Variants in COBL observed in about 807,000 individuals in gnomAD.
The protein encoded by COBL is cordon-bleu WH2 repeat protein, also known as protein cordon-bleu.
A neutral mutation model predicts 98.8 loss-of-function variants in COBL; 51 were observed. The ratio of observed to expected loss-of-function variants is 0.52; its 90% CI spans 0.41 to 0.65. The LOEUF (loss-of-function observed/expected upper bound fraction) is 0.65. Among genes scored for constraint, COBL ranks in the 30% least tolerant of loss-of-function variants. The pLI, the probability that COBL is intolerant of heterozygous loss-of-function variation, is 0.00. For synonymous variants in COBL, 634 were observed against 651.7 expected, an observed-to-expected ratio of 0.97 and a Z score of 0.41; for missense variants, 1,617 against 1,617.5, an observed-to-expected ratio of 1.00 and a Z score of 0.01.
chr7:51,269,543 C>G (rs935957035), intron 1 of COBL, among the ~76,000 whole-genome samples: 2 of 152,186 alleles, frequency 1.3e-5, no homozygotes, highest in Non-Finnish European at 2.9e-5. Flanking sequence ...TGCTCAGGAG[C>G]GTGGGCTCCA....
At chr7:51,142,519 G>A (rs1249476975) in intron 5 of COBL, among the ~76,000 whole-genome samples, 4 of 151,490 alleles carry the variant, frequency 2.6e-5, no homozygotes, top group Admixed American at 1.3e-4. Context: ...GAGTAACTGG[G>A]ATTACAGGAG....
chr7:51,094,495 T>C (rs1039509393), intron 6 of COBL, among the ~76,000 whole-genome samples: 1 of 152,076 alleles, frequency 6.6e-6, no homozygotes, highest in African/African-American at 2.4e-5. Flanking sequence ...ATATAAACAA[T>C]TATTATTTAT....
intron 7 of COBL, 108 bp downstream of exon 7, chr7:51,085,058 G>A: frequency 1.3e-6 from 2 of 1,503,186 alleles, no homozygotes; most frequent in South Asian, 2.4e-5. Context: ...ATATTTTTTG[G>A]GTTAATGTCA....
rs868222004 is a variant in COBL at position 51,055,548 on chromosome 7, G to A, written c.1097-11856C>T. 6.6e-5 allele frequency among the ~76,000 whole-genome samples: 10 copies of A among 152,266 alleles called. No individual in the cohort carries two copies. The South Asian group carries it at 8.3e-4, about 13-fold the overall frequency. Reference sequence around the variant, plus strand: ...AAGATGATGGTCTTGCACTTGGCCCGTGTCAGAACGCCCTGGAGGGCTTGT... The same window carrying A: ...AAGATGATGGTCTTGCACTTGGCCCATGTCAGAACGCCCTGGAGGGCTTGT... On this transcript the variant is annotated intron_variant, in intron 7 of 12. Coordinates refer to ENST00000265136, the MANE Select transcript of COBL (RefSeq NM_015198.5).
intron 1 of COBL, among the ~76,000 whole-genome samples, chr7:51,311,696 G>A (rs952751809): frequency 6.6e-6 from 1 of 152,126 alleles, no homozygotes; most frequent in African/African-American, 2.4e-5. Context: ...CAAGGTGGAA[G>A]CGAGAAAGCA....
At chr7:51,146,732 C>T (rs1054427394) in intron 5 of COBL, among the ~76,000 whole-genome samples, 17 of 152,104 alleles carry the variant, frequency 1.1e-4, no homozygotes, top group African/African-American at 3.6e-4. Context: ...AAGAGCTGTG[C>T]ATTTTCTCAT....
chr7:51,085,168 A>C lies in COBL; in HGVS notation c.1094T>G (p.Met365Arg). 1 of 1,613,694 alleles carries C rather than the reference A, an allele frequency of 6.2e-7. No homozygotes were observed. The highest frequency in any genetic ancestry group is 8.5e-7 in the Non-Finnish European group (1 of 1,179,944). The change falls in exon 7 of 13, where the codon ATG becomes AGG. Residue 365 changes from methionine (M) to arginine (R), a missense_variant and splice_region_variant. This residue lies in a region of COBL where 1,304 missense variants were observed against 1,282.0 expected (regional missense o/e 1.02). Transcript: ENST00000265136. ...EDKEENRKST[M>R]VSLPLGSGSH... ...ACGGCAGGCCGAGCCTCACTCACCC[A>C]TCGTGCTCTTCCTGTTCTCCTCCTT...
At chr7:51,063,068 A>C (rs1791543997) in intron 7 of COBL, among the ~76,000 whole-genome samples, 1 of 152,184 alleles carries the variant, frequency 6.6e-6, no homozygotes, top group African/African-American at 2.4e-5. Flanking sequence ...TCCTAAGAAA[A>C]AGGAAGACAG....
At chr7:51,310,280 A>G (rs2129216976) in intron 1 of COBL, among the ~76,000 whole-genome samples, 1 of 152,302 alleles carries the variant, frequency 6.6e-6, no homozygotes, top group Admixed American at 6.5e-5. Flanking sequence ...AAGTCTGGAG[A>G]GGCCCCATCA....
chr7:51,206,433 A>G (rs558845434), intron 2 of COBL, among the ~76,000 whole-genome samples: 1 of 151,260 alleles, frequency 6.6e-6, no homozygotes, highest in Non-Finnish European at 1.5e-5. Flanking sequence ...CAAAGATTGC[A>G]CTGAGCCGAG....
At chr7:51,186,825 A>T (rs1262278114) in intron 4 of COBL, among the ~76,000 whole-genome samples, 1 of 152,168 alleles carries the variant, frequency 6.6e-6, no homozygotes, top group Non-Finnish European at 1.5e-5. Flanking sequence ...CTGGTTTGGG[A>T]GCAAAGTAGG....
chr7:51,108,586 C>T (rs1796532406), intron 6 of COBL, among the ~76,000 whole-genome samples: 1 of 152,184 alleles, frequency 6.6e-6, no homozygotes, highest in South Asian at 2.1e-4. Flanking sequence ...CTTCTGTTTG[C>T]TTTTCCCATC....
chr7:51,126,643 A>T (rs776868456), intron 6 of COBL, among the ~76,000 whole-genome samples: 1 of 152,148 alleles, frequency 6.6e-6, no homozygotes, highest in East Asian at 1.9e-4. Context: ...TTCACAGTCC[A>T]TGGCATGTGT....
chr7:51,037,832 C>G (rs994225227), intron 8 of COBL, among the ~76,000 whole-genome samples: 8 of 152,216 alleles, frequency 5.3e-5, no homozygotes, highest in Non-Finnish European at 1.0e-4. Context: ...CAAATTGCAG[C>G]AGCACATATA....
chr7:51,139,529 C>T (rs55780119), intron 5 of COBL, among the ~76,000 whole-genome samples: 11,866 of 152,256 alleles, frequency 0.078, 558 homozygotes, highest in Admixed American at 0.15. Flanking sequence ...ACAAATATCT[C>T]TTCCCACCTC....
At chr7:51,313,489 C>T (rs1172477961) in intron 1 of COBL, among the ~76,000 whole-genome samples, 1 of 152,234 alleles carries the variant, frequency 6.6e-6, no homozygotes, top group African/African-American at 2.4e-5. Context: ...ATGAAGTCCA[C>T]ATTTTGACGA....
At chr7:51,145,551 G>A (rs1023085473) in intron 5 of COBL, among the ~76,000 whole-genome samples, 1 of 151,740 alleles carries the variant, frequency 6.6e-6, no homozygotes, top group Non-Finnish European at 1.5e-5. Context: ...GCTAATTTTT[G>A]TGCTTTTAGT....
chr7:51,113,489 T>C (rs555477971), intron 6 of COBL, among the ~76,000 whole-genome samples: 90 of 152,310 alleles, frequency 5.9e-4, no homozygotes, highest in African/African-American at 2.1e-3. Flanking sequence ...TTTTAGTCAC[T>C]GGAAGCTTTT....
intron 1 of COBL, among the ~76,000 whole-genome samples, chr7:51,272,890 C>A (rs115033930): frequency 1.3e-5 from 2 of 152,080 alleles, no homozygotes; most frequent in African/African-American, 2.4e-5. Context: ...TAATACTACA[C>A]AAGTCCAGTC....
Sources: allele counts gnomAD v4.1 joint callset (sites outside exome capture counted in the v4.1 genomes callset), GRCh38; gene constraint gnomAD v4.1.1; regional missense constraint gnomAD v4.1.1; transcripts MANE v1.5; gene names NCBI Gene and HGNC (gene_info 2026-07-23, HGNC 2026-07-21).